Variants in ROS1 observed in about 807,000 individuals in gnomAD.
ROS1 encodes proto-oncogene tyrosine-protein kinase ROS.
Under a neutral mutation model 273.5 loss-of-function variants are expected in ROS1, and 263 were observed. That is an observed-to-expected ratio of 0.96 (90% CI 0.87 to 1.06). The LOEUF (loss-of-function observed/expected upper bound fraction) is 1.06. ROS1 is among the 50% of genes least tolerant of loss of function. The pLI, the probability that ROS1 is intolerant of heterozygous loss-of-function variation, is 0.00. For synonymous variants in ROS1, 1,008 were observed against 954.1 expected, an observed-to-expected ratio of 1.06 and a Z score of -1.04; for missense variants, 2,833 against 2,751.1, an observed-to-expected ratio of 1.03 and a Z score of -0.67.
chr6:117,351,008 T>G (rs1582703657), intron 27 of ROS1, among the ~76,000 whole-genome samples: 1 of 152,338 alleles, frequency 6.6e-6, no homozygotes, highest in East Asian at 1.9e-4. Flanking sequence ...TTCCTCTATC[T>G]CTTCAATCTG....
rs150578584 is a variant in ROS1 at position 117,331,582 on chromosome 6, C to A, written c.5231-2136G>T. ...GAAATCAAGTAAAAACTGTTAAGGG[C>A]AGCCAGAGAGAAAGGCCAGGTTACC... is the stretch of plus-strand genomic sequence containing the variant. On this transcript the variant is annotated intron_variant, in intron 32 of 43. Coordinates refer to ENST00000368507, the MANE Select transcript of ROS1 (RefSeq NM_001378902.1). Among the ~76,000 whole-genome samples, 136 of 152,228 alleles carry A rather than the reference C, an allele frequency of 8.9e-4. 1 individual carries two copies. The highest frequency in any genetic ancestry group is 3.2e-3 in the African/African-American group (133 of 41,542).
At chr6:117,332,654 C>A (rs946632669) in intron 32 of ROS1, among the ~76,000 whole-genome samples, 1 of 152,104 alleles carries the variant, frequency 6.6e-6, no homozygotes, top group African/African-American at 2.4e-5. Context: ...TCTCTCAGAC[C>A]ACAGAGCAAT....
intron 25 of ROS1, among the ~76,000 whole-genome samples, chr6:117,357,454 G>A (rs1043006987): frequency 6.6e-6 from 1 of 152,190 alleles, no homozygotes; most frequent in South Asian, 2.1e-4. Flanking sequence ...TACTGTGCAA[G>A]GCATGCTGCC....
At chr6:117,407,514 A>G (rs1440023996) in intron 5 of ROS1, among the ~76,000 whole-genome samples, 2 of 152,172 alleles carry the variant, frequency 1.3e-5, no homozygotes, top group Non-Finnish European at 2.9e-5. Context: ...TACCTTTTAC[A>G]AATTTCTAGA....
intron 18 of ROS1, among the ~76,000 whole-genome samples, 158 bp downstream of exon 18, chr6:117,378,901 A>G (rs1434931906): frequency 6.6e-6 from 1 of 152,188 alleles, no homozygotes; most frequent in Admixed American, 6.5e-5. Context: ...TACTGTAACT[A>G]GTTATTTACA....
intron 2 of ROS1, 98 bp from the exon 3 acceptor site, chr6:117,416,415 G>C: frequency 2.5e-6 from 2 of 799,056 alleles, no homozygotes; most frequent in Non-Finnish European, 4.3e-6. Flanking sequence ...GCATCACTCT[G>C]TGTTTTAGAA....
intron 1 of ROS1, among the ~76,000 whole-genome samples, chr6:117,422,052 C>A (rs1363684364): frequency 6.6e-6 from 1 of 152,112 alleles, no homozygotes; most frequent in Non-Finnish European, 1.5e-5. Flanking sequence ...ACAGAGTCAC[C>A]CAGGCTGGAG....
At chr6:117,394,433 A>T (rs1170066007) in intron 10 of ROS1, 87 bp from the exon 11 acceptor site, 1 of 903,840 alleles carries the variant, frequency 1.1e-6, no homozygotes, top group Non-Finnish European at 1.5e-6. Context: ...TTATTTAATG[A>T]TTAATAAATT....
chr6:117,317,231 C>CA lies in ROS1; in HGVS notation c.6028dup (p.Cys2010LeufsTer5), dbSNP rs1372128313. 2 of 1,613,206 alleles carry CA rather than the reference C, an allele frequency of 1.2e-6. No individual in the cohort carries two copies. The highest frequency in any genetic ancestry group is 3.3e-5 in the Admixed American group (2 of 59,872). ...AATGTATTGGGGTTCATTCAGCAGA[C>CA]AAACTCCAAGCTGCTTCAGAATGTT... is the stretch of plus-strand genomic sequence containing the variant. On this transcript the variant is annotated frameshift_variant, in exon 39 of 44. Transcript: ENST00000368507. LOFTEE classifies it high-confidence loss of function.
chr6:117,401,937 T>C (rs540003996), intron 7 of ROS1, among the ~76,000 whole-genome samples: 10 of 151,752 alleles, frequency 6.6e-5, no homozygotes, highest in African/African-American at 2.4e-4. Context: ...TCCAAACATA[T>C]CTATACCACA....
At chr6:117,384,563 C>G (rs1772411304) in intron 16 of ROS1, among the ~76,000 whole-genome samples, 1 of 152,164 alleles carries the variant, frequency 6.6e-6, no homozygotes, top group Non-Finnish European at 1.5e-5. Flanking sequence ...AAGTACTTTC[C>G]TGATTAAAAA....
At position 117,396,257 on chromosome 6, in the gene ROS1, T is replaced by C. The variant is rs1269992033; in HGVS notation, c.814A>G (p.Ile272Val). The change falls in exon 9 of 44, where the codon ATT (isoleucine) becomes GTT (valine). Residue 272 changes from isoleucine to valine, a missense_variant. Ile to Val is a conservative substitution (Grantham distance 29). Coordinates refer to ENST00000368507, the MANE Select transcript of ROS1 (RefSeq NM_001378902.1). The part of the protein sequence containing the change: ...TLPNTIYRFS[I>V]AAVNEVGEGP... ...TCACCAACTTCATTTACTGCTGCAA[T>C]AGAAAACCTATTCCAAAAACAATTT... The C allele has an allele frequency of 1.9e-6, 3 of 1,612,588 alleles. No homozygotes were observed. In the Admixed American group the frequency reaches 5.0e-5, roughly 27 times the overall value.
chr6:117,321,889 C>T (rs1436456012), intron 35 of ROS1, among the ~76,000 whole-genome samples: 1 of 140,898 alleles, frequency 7.1e-6, no homozygotes, highest in African/African-American at 2.7e-5. Context: ...TTCATATACA[C>T]ATACTCGAAT....
chr6:117,336,528 A>G (rs575761896), intron 32 of ROS1, among the ~76,000 whole-genome samples: 1 of 152,330 alleles, frequency 6.6e-6, no homozygotes, highest in African/African-American at 2.4e-5. Flanking sequence ...GCTGCATAGT[A>G]TGCCATGGTG....
intron 35 of ROS1, among the ~76,000 whole-genome samples, chr6:117,324,076 C>T (rs543706): frequency 0.095 from 14,396 of 152,136 alleles, 874 homozygotes; most frequent in Middle Eastern, 0.14. Context: ...AAAGTTGGTG[C>T]CCTTGCAAGT....
chr6:117,388,100 T>C (rs979536970), intron 13 of ROS1, 108 bp from the exon 14 acceptor site: 97 of 1,541,136 alleles, frequency 6.3e-5, no homozygotes, highest in Non-Finnish European at 8.0e-5. Context: ...GGGAGAGCAA[T>C]TGGGCAGTAA....
chr6:117,328,253 T>C (rs1582633916), intron 33 of ROS1, among the ~76,000 whole-genome samples: 1 of 152,174 alleles, frequency 6.6e-6, no homozygotes, highest in Non-Finnish European at 1.5e-5. Context: ...ATAGTCTATG[T>C]CCTGACAGTG....
chr6:117,380,873 A>T (rs1043443931), intron 17 of ROS1, among the ~76,000 whole-genome samples: 4 of 152,288 alleles, frequency 2.6e-5, no homozygotes, highest in Non-Finnish European at 5.9e-5. Flanking sequence ...ACCTTAGAAG[A>T]ATCTCTTACT....
rs746934594 is a variant in ROS1 at position 117,318,234 on chromosome 6, T to C, written c.5941A>G (p.Thr1981Ala). The C allele has an allele frequency of 2.5e-6, 4 of 1,612,696 alleles. No individual in the cohort carries two copies. The highest frequency in any genetic ancestry group is 2.7e-5 in the African/African-American group (2 of 74,884). ...VAVKTLKKGS[T>A]DQEKIEFLKE... ...AGGAATTCAATCTTCTCCTGGTCTGTGGAACCCTTCTTCAAAGTCTATACA... is the reference window on the plus strand; with the variant it reads ...AGGAATTCAATCTTCTCCTGGTCTGCGGAACCCTTCTTCAAAGTCTATACA... Residue 1981 changes from threonine to alanine, a missense_variant, in exon 38 of 44, where the codon ACA (threonine) becomes GCA (alanine). Transcript: ENST00000368507.
Sources: gnomAD v4.1 joint callset for allele counts (sites outside exome capture counted in the v4.1 genomes callset) on GRCh38, gnomAD v4.1.1 for gene constraint, MANE v1.5 for transcripts, NCBI Gene and HGNC (gene_info 2026-07-23, HGNC 2026-07-21) for gene names.